Variants in MGST2 observed in about 807,000 individuals in gnomAD.
MGST2 encodes microsomal glutathione S-transferase 2.
In MGST2, 9 loss-of-function variants were observed where a neutral mutation model predicts 16.6. The ratio of observed to expected loss-of-function variants is 0.54; its 90% CI spans 0.33 to 0.95. MGST2 has a LOEUF of 0.95. Among genes scored for constraint, MGST2 ranks in the 40% least tolerant of loss-of-function variants. The probability of loss-of-function intolerance (pLI) is 0.03; values close to 1 mark genes in which losing one functional copy is unlikely to be tolerated. For synonymous variants in MGST2, 79 were observed against 68.0 expected (o/e 1.16, Z -0.79); for missense variants, 159 against 175.1 (o/e 0.91, Z 0.52).
chr4:139,679,594 G>T (rs1490153228), intron 2 of MGST2, among the ~76,000 whole-genome samples: 1 of 152,120 alleles, frequency 6.6e-6, no homozygotes, highest in Non-Finnish European at 1.5e-5. Context: ...GACTAGGCAG[G>T]CTTTTTGTTA....
chr4:139,678,197 C>T (rs1731059300), intron 1 of MGST2, among the ~76,000 whole-genome samples: 1 of 152,142 alleles, frequency 6.6e-6, no homozygotes, highest in Non-Finnish European at 1.5e-5. Context: ...TCCAGGGGGC[C>T]AAGGGCTTTG....
intron 1 of MGST2, among the ~76,000 whole-genome samples, chr4:139,674,412 T>C (rs2110805117): frequency 6.6e-6 from 1 of 152,168 alleles, no homozygotes; most frequent in East Asian, 1.9e-4. Flanking sequence ...TTGAGTTCTG[T>C]CTGTCCTTTG....
intron 5 of MGST2, among the ~76,000 whole-genome samples, chr4:139,711,681 C>T (rs1727746857): frequency 6.6e-6 from 1 of 152,168 alleles, no homozygotes; most frequent in South Asian, 2.1e-4. Context: ...GTATTTTGTG[C>T]TGACCTATCT....
intron 2 of MGST2, chr4:139,685,219 G>A (rs1227621464): frequency 6.6e-6 from 1 of 152,522 alleles, no homozygotes; most frequent in Non-Finnish European, 1.5e-5. Flanking sequence ...TCCAGCAGGG[G>A]AGCATAGCTA....
chr4:139,753,341 A>AATCAATCTATCT, the MGST2 span, among the ~76,000 whole-genome samples: 2 of 146,578 alleles, frequency 1.4e-5, no homozygotes, highest in Admixed American at 6.9e-5. Flanking sequence ...TTTTCTTTTT[A>AATCAATCTATCT]ATCTATCTAT....
At chr4:139,706,750 G>A (rs1441354715), downstream of MGST2, among the ~76,000 whole-genome samples, 2 of 152,052 alleles carry the variant, frequency 1.3e-5, no homozygotes, top group East Asian at 1.9e-4. Context: ...GACTATCAAG[G>A]CCTTGTCACT....
intron 5 of MGST2, chr4:139,730,308 G>T: frequency 1.0e-6 from 1 of 954,660 alleles, no homozygotes; most frequent in Non-Finnish European, 1.6e-6. Flanking sequence ...GCTAGACCGT[G>T]AGCATCTTGA....
intron 5 of MGST2, among the ~76,000 whole-genome samples, chr4:139,733,234 T>G (rs1560774575): frequency 6.6e-6 from 1 of 152,220 alleles, no homozygotes. Context: ...TCAGTATATT[T>G]GATACTTTCC....
chr4:139,750,790 C>T, the MGST2 span, among the ~76,000 whole-genome samples: 1 of 152,230 alleles, frequency 6.6e-6, no homozygotes, highest in Non-Finnish European at 1.5e-5. Context: ...TTCATCCTAG[C>T]ATTTCTCATC....
chr4:139,719,227 C>CA lies in MGST2; in HGVS notation c.*48+15038dup, dbSNP rs1333884299. On this transcript the variant is annotated intron_variant, in intron 5 of 5. Transcript: ENST00000616265. ...GCAGTTTTGCTCAGTTTACGTGGGT[C>CA]AAAAAAACAAAAAACAAGGATGGGT... 1.1e-4 allele frequency: 156 copies of CA among 1,431,304 alleles called. 2 individuals are homozygous for CA. The South Asian group carries it at 1.7e-3, about 16-fold the overall frequency. 88.7% of individuals were successfully genotyped at this position (1,431,304 alleles called of 1,614,324 possible).
intron 5 of MGST2, among the ~76,000 whole-genome samples, chr4:139,720,636 G>T (rs1377890293): frequency 6.6e-6 from 1 of 152,178 alleles, no homozygotes; most frequent in Admixed American, 6.5e-5. Flanking sequence ...TACTGTGCAT[G>T]TGTTTTTGTA....
At chr4:139,703,769 A>C (rs1016769984) in intron 4 of MGST2, among the ~76,000 whole-genome samples, 5 of 152,220 alleles carry the variant, frequency 3.3e-5, no homozygotes, top group Non-Finnish European at 1.5e-5. Context: ...AAAATTTTGC[A>C]TTGTCTCCAG....
chr4:139,746,541 C>T, the MGST2 span, among the ~76,000 whole-genome samples: 1 of 152,166 alleles, frequency 6.6e-6, no homozygotes, highest in Admixed American at 6.5e-5. Flanking sequence ...TGGATTGCTT[C>T]ACCTATTTGT....
chr4:139,753,952 G>A, the MGST2 span, among the ~76,000 whole-genome samples: 1 of 152,196 alleles, frequency 6.6e-6, no homozygotes, highest in East Asian at 1.9e-4. Context: ...AGACTGGGGT[G>A]GAGGGAGGGG....
chr4:139,672,776 C>T (rs1046043137), intron 1 of MGST2, among the ~76,000 whole-genome samples: 1 of 152,108 alleles, frequency 6.6e-6, no homozygotes, highest in African/African-American at 2.4e-5. Flanking sequence ...GTCTCAAACT[C>T]CTGACCTCAA....
chr4:139,692,017 A>G (rs1726639226), intron 2 of MGST2, among the ~76,000 whole-genome samples: 1 of 152,134 alleles, frequency 6.6e-6, no homozygotes, highest in Non-Finnish European at 1.5e-5. Context: ...TCAATCTCTG[A>G]GAGATGATAG....
At chr4:139,716,425 C>CCCTA (rs1198118663) in intron 5 of MGST2, among the ~76,000 whole-genome samples, 1 of 152,164 alleles carries the variant, frequency 6.6e-6, no homozygotes, top group East Asian at 1.9e-4. Flanking sequence ...AGTGGAGCCT[C>CCCTA]CCTACCTCCA....
At chr4:139,719,908 T>C in intron 5 of MGST2, 1 of 1,614,042 alleles carries the variant, frequency 6.2e-7, no homozygotes, top group Non-Finnish European at 8.5e-7. Flanking sequence ...TTGGAGGGGC[T>C]TGGGGCCTAG....
rs1454018578 is a variant in MGST2, at chr4:139,704,064, C to G, written c.360C>G (p.Leu120=). 2 of 1,614,034 alleles carry G rather than the reference C, an allele frequency of 1.2e-6. No homozygotes were observed. The highest frequency in any genetic ancestry group is 2.2e-5 in the East Asian group (1 of 44,890). ...TGGGGATTTTGGCCTTGTTGACCCTCCTAGGTGCCCTGGGAATTGCAAACA... is the reference window on the plus strand; with the variant it reads ...TGGGGATTTTGGCCTTGTTGACCCTGCTAGGTGCCCTGGGAATTGCAAACA... ...LSLGILALLT[L]LGALGIANSF... The change falls in exon 5 of 5, where the codon CTC becomes CTG. Residue 120 remains leucine (L), a synonymous_variant. Coordinates refer to ENST00000265498, the MANE Select transcript of MGST2 (RefSeq NM_002413.5).
Sources: gnomAD v4.1 joint callset for allele counts (sites outside exome capture counted in the v4.1 genomes callset) on GRCh38, gnomAD v4.1.1 for gene constraint, MANE v1.5 for transcripts, NCBI Gene and HGNC (gene_info 2026-07-23, HGNC 2026-07-21) for gene names.